Variants in NGEF observed in about 807,000 individuals in gnomAD.
The protein encoded by NGEF is ephexin-1.
Under a neutral mutation model 80.9 loss-of-function variants are expected in NGEF, and 31 were observed. That is an observed-to-expected ratio of 0.38 (90% CI 0.29 to 0.52). The LOEUF (loss-of-function observed/expected upper bound fraction) is 0.52. NGEF is among the 20% of genes least tolerant of loss of function. NGEF has a pLI of 0.84. For synonymous variants in NGEF, 371 were observed against 370.2 expected (o/e 1.00, Z -0.03); for missense variants, 709 against 926.2 (o/e 0.77, Z 3.04).
At chr2:232,992,684 A>T (rs558058097) in intron 1 of NGEF, among the ~76,000 whole-genome samples, 1 of 152,198 alleles carries the variant, frequency 6.6e-6, no homozygotes, top group South Asian at 2.1e-4. Flanking sequence ...AATAATAAAA[A>T]ATAACCCAAT....
Position 232,879,431 on chromosome 2 carries a change from C to CCT in NGEF, c.*57_*58insAG. The stretch of plus-strand genomic sequence containing the variant: ...CTGTGCTTCCCAGAGCCCCCCCCCC[C>CCT]CCACCTTCTGTCGGGGTCTCATGCA... On this transcript the variant is annotated 3_prime_UTR_variant, in exon 15 of 15. Coordinates refer to ENST00000264051, the MANE Select transcript of NGEF (RefSeq NM_019850.3). The CCT allele has an allele frequency of 7.8e-6, 11 of 1,408,640 alleles. No individual in the cohort carries two copies. The South Asian group carries it at 1.5e-4, about 19-fold the overall frequency. The allele number at this position is 1,408,640 out of a possible 1,614,324, so 87.3% of individuals were successfully genotyped here.
At chr2:232,973,577 G>T (rs1694236288) in intron 2 of NGEF, among the ~76,000 whole-genome samples, 1 of 152,164 alleles carries the variant, frequency 6.6e-6, no homozygotes, top group Non-Finnish European at 1.5e-5. Flanking sequence ...CTCAGAACCC[G>T]ACTGCCATAT....
intron 1 of NGEF, among the ~76,000 whole-genome samples, chr2:233,008,949 A>C (rs1695146310): frequency 6.6e-6 from 1 of 151,780 alleles, no homozygotes; most frequent in Non-Finnish European, 1.5e-5. Context: ...TACAGGTGCC[A>C]CTACGCCCAG....
chr2:232,994,386 AAAG>A (rs778615585), intron 1 of NGEF, among the ~76,000 whole-genome samples: 1 of 148,096 alleles, frequency 6.8e-6, no homozygotes, highest in Non-Finnish European at 1.5e-5. Flanking sequence ...AAAAAAAAAA[AAAG>A]ATATTAAAAA....
intron 2 of NGEF, among the ~76,000 whole-genome samples, chr2:232,971,222 C>G (rs1205918919): frequency 6.6e-6 from 1 of 152,174 alleles, no homozygotes; most frequent in Non-Finnish European, 1.5e-5. Flanking sequence ...TGTGGAGTGA[C>G]CCAGTAGCCC....
chr2:232,950,837 T>C (rs1693663200), intron 3 of NGEF, among the ~76,000 whole-genome samples: 1 of 151,996 alleles, frequency 6.6e-6, no homozygotes, highest in Non-Finnish European at 1.5e-5. Context: ...TGTCTGTGTC[T>C]TTTTCGCTAA....
chr2:233,012,819 G>A (rs1695241285), intron 1 of NGEF: 1 of 470,754 alleles, frequency 2.1e-6, no homozygotes, highest in Admixed American at 2.4e-5. Context: ...TAATGGAAGA[G>A]CGCCTGGAAG....
rs1691484497 is a variant in NGEF at position 232,881,037 on chromosome 2, C to A, written c.1942+109G>T. On this transcript the variant is annotated intron_variant, in intron 14 of 14. Coordinates refer to ENST00000264051, the MANE Select transcript of NGEF (RefSeq NM_019850.3). ...ATGTCTCAGGGAGCAAGAGACATGG[C>A]AGGACACCAGCCTGTCAGACAGTGG... The A allele has an allele frequency of 6.0e-6, 5 of 828,940 alleles. No individual in the cohort carries two copies. In the South Asian group the frequency reaches 7.5e-5, roughly 13 times the overall value. The allele number at this position is 828,940 out of a possible 1,614,324, so 51.3% of individuals were successfully genotyped here. A position where few individuals can be genotyped will look rare whatever the true frequency, so the allele number is the denominator to read the frequency against.
At chr2:232,914,531 T>G (rs1031877943) in intron 5 of NGEF, among the ~76,000 whole-genome samples, 1 of 151,934 alleles carries the variant, frequency 6.6e-6, no homozygotes, top group African/African-American at 2.4e-5. Context: ...GGTGAAACCC[T>G]ATCTCTACCA....
chr2:232,938,509 A>G (rs1467980614), intron 3 of NGEF, among the ~76,000 whole-genome samples: 1 of 152,112 alleles, frequency 6.6e-6, no homozygotes, highest in Non-Finnish European at 1.5e-5. Flanking sequence ...TAGGATACAT[A>G]GGGTCTGGGG....
rs560480844 is a variant in NGEF at position 232,922,058 on chromosome 2, G to A, written c.527-1473C>T. On this transcript the variant is annotated intron_variant, in intron 4 of 14. Coordinates refer to ENST00000264051, the MANE Select transcript of NGEF (RefSeq NM_019850.3). ...GTGGAGGCCTCATGAGCAGCAGGATGTCCTGGTCTGGCACTTGGGATAGTG... is the reference window on the plus strand; with the variant it reads ...GTGGAGGCCTCATGAGCAGCAGGATATCCTGGTCTGGCACTTGGGATAGTG... Among the ~76,000 whole-genome samples, 19 of 152,346 alleles carry A rather than the reference G, an allele frequency of 1.2e-4. No homozygotes were observed. In the East Asian group the frequency reaches 3.7e-3, roughly 29 times the overall value.
At chr2:232,954,769 G>A (rs1223065223) in intron 3 of NGEF, among the ~76,000 whole-genome samples, 1 of 151,486 alleles carries the variant, frequency 6.6e-6, no homozygotes, top group Non-Finnish European at 1.5e-5. Context: ...TGCCATCTGA[G>A]GCAGGAAGCA....
intron 3 of NGEF, among the ~76,000 whole-genome samples, chr2:232,960,705 C>A (rs1464762359): frequency 6.6e-6 from 1 of 152,134 alleles, no homozygotes; most frequent in African/African-American, 2.4e-5. Context: ...ATGGTGAAAC[C>A]CCATCTCTAC....
chr2:232,888,141 C>G (rs757216192), intron 8 of NGEF, 34 bp from the exon 9 acceptor site: 1 of 1,507,814 alleles, frequency 6.6e-7, no homozygotes, highest in East Asian at 2.3e-5. Flanking sequence ...TAACTTTAAT[C>G]TTTTCTGGTC....
rs1459004618 is a variant in NGEF, at chr2:232,986,523, T to C, written c.-74-11559A>G. Among the ~76,000 whole-genome samples the C allele has an allele frequency of 2.6e-5, 4 of 152,236 alleles. 1 individual carries two copies. In the Middle Eastern group the frequency reaches 0.01, roughly 388 times the overall value. On this transcript the variant is annotated intron_variant, in intron 1 of 14. Coordinates refer to ENST00000264051, the MANE Select transcript of NGEF (RefSeq NM_019850.3). The stretch of plus-strand genomic sequence containing the variant: ...TATGTGGTGGAATATCATTCAGCCA[T>C]AAAAAAGGAGAAAATCCTGCCATTT...
At chr2:232,889,441 C>T (rs1691807322) in intron 8 of NGEF, among the ~76,000 whole-genome samples, 1 of 152,160 alleles carries the variant, frequency 6.6e-6, no homozygotes, top group African/African-American at 2.4e-5. Flanking sequence ...CCCTGAGTGC[C>T]CACCCCAGCT....
At chr2:232,893,511 C>T (rs1278566182) in intron 6 of NGEF, among the ~76,000 whole-genome samples, 6 of 152,188 alleles carry the variant, frequency 3.9e-5, no homozygotes, top group African/African-American at 7.2e-5. Context: ...CAGTGGCTCA[C>T]GCCTGTAATC....
At chr2:232,999,898 C>T (rs906531580) in intron 1 of NGEF, among the ~76,000 whole-genome samples, 5 of 152,192 alleles carry the variant, frequency 3.3e-5, no homozygotes, top group Non-Finnish European at 7.3e-5. Flanking sequence ...AACCCATAGT[C>T]AGGGAGATTT....
chr2:232,930,332 T>G (rs1304649892), intron 3 of NGEF, among the ~76,000 whole-genome samples: 1 of 151,610 alleles, frequency 6.6e-6, no homozygotes, highest in Non-Finnish European at 1.5e-5. Context: ...CTCTCTTTTT[T>G]TTTTTGAAAT....
Sources: allele counts gnomAD v4.1 joint callset (sites outside exome capture counted in the v4.1 genomes callset), GRCh38; gene constraint gnomAD v4.1.1; transcripts MANE v1.5; gene names NCBI Gene and HGNC (gene_info 2026-07-23, HGNC 2026-07-21).